NLGN1: variants seen among roughly 807,000 people sequenced by gnomAD.
NLGN1 encodes the protein neuroligin-1.
Under a neutral mutation model 65.5 loss-of-function variants are expected in NLGN1, and 12 were observed. The observed-to-expected ratio is 0.18, with a 90% CI of 0.12 to 0.30. The LOEUF is 0.30. Among genes scored for constraint, NLGN1 ranks in the 10% least tolerant of loss-of-function variants. The pLI is 1.00. For missense variants in NLGN1, 750 were observed against 1,007.1 expected (o/e 0.74, Z 3.46); for synonymous variants, 350 against 359.5 (o/e 0.97, Z 0.30).
At chr3:173,804,718 A>G (rs56362702) in intron 3 of NLGN1, among the ~76,000 whole-genome samples, 17,397 of 151,246 alleles carry the variant, frequency 0.12, 1,089 homozygotes, top group African/African-American at 0.16. Flanking sequence ...AGAAATTTGT[A>G]ATAAAACATT....
chr3:173,563,016 G>A (rs1166468983), intron 2 of NLGN1, among the ~76,000 whole-genome samples: 1 of 152,152 alleles, frequency 6.6e-6, no homozygotes, highest in African/African-American at 2.4e-5. Flanking sequence ...TCCACCTGCA[G>A]CCTTCTCCAC....
At chr3:174,020,068 C>G (rs1727423652) in intron 4 of NLGN1, among the ~76,000 whole-genome samples, 1 of 152,100 alleles carries the variant, frequency 6.6e-6, no homozygotes, top group Admixed American at 6.6e-5. Flanking sequence ...TTTTAATGCA[C>G]ACTTCTTTTG....
At chr3:174,045,893 C>A (rs1486384165) in intron 4 of NLGN1, among the ~76,000 whole-genome samples, 3 of 152,082 alleles carry the variant, frequency 2.0e-5, no homozygotes, top group Admixed American at 6.6e-5. Flanking sequence ...CATTTCAGTC[C>A]TCTGAAGTAA....
At chr3:173,950,038 T>A (rs145662944) in intron 4 of NLGN1, among the ~76,000 whole-genome samples, 51 of 152,306 alleles carry the variant, frequency 3.3e-4, no homozygotes, top group African/African-American at 1.0e-3. Flanking sequence ...GACCACACGA[T>A]CACTTTATAA....
Position 174,013,387 on chromosome 3 carries a change from A to G in NLGN1, c.646+205555A>G, listed in dbSNP as rs1221707210. ...TGGATTTAAGACCAATATCCTCAAAACTGGCTGAAATGAAAAATGAACAAA... is the reference window on the plus strand; with the variant it reads ...TGGATTTAAGACCAATATCCTCAAAGCTGGCTGAAATGAAAAATGAACAAA... On this transcript the variant is annotated intron_variant, in intron 4 of 6. Coordinates refer to ENST00000457714, the Ensembl canonical transcript of NLGN1. 5.9e-5 allele frequency among the ~76,000 whole-genome samples: 9 copies of G among 152,322 alleles called. No individual in the cohort carries two copies. The Middle Eastern group carries it at 0.01, about 173-fold the overall frequency.
intron 4 of NLGN1, among the ~76,000 whole-genome samples, chr3:173,871,877 A>C (rs1427955065): frequency 6.6e-6 from 1 of 152,192 alleles, no homozygotes; most frequent in Non-Finnish European, 1.5e-5. Flanking sequence ...AGGATACAAA[A>C]ATTTTTAAGA....
intron 4 of NLGN1, among the ~76,000 whole-genome samples, chr3:174,118,018 G>A (rs1223342676): frequency 6.6e-6 from 1 of 152,046 alleles, no homozygotes; most frequent in Non-Finnish European, 1.5e-5. Context: ...TTTTCTCTCT[G>A]TTAATGAAGG....
intron 4 of NLGN1, among the ~76,000 whole-genome samples, chr3:173,991,423 A>G (rs1399325045): frequency 6.6e-6 from 1 of 152,144 alleles, no homozygotes; most frequent in Non-Finnish European, 1.5e-5. Flanking sequence ...TAATTCATTG[A>G]AAACCTCTAG....
chr3:173,466,898 T>G (rs982572149), intron 2 of NLGN1, among the ~76,000 whole-genome samples: 4 of 152,166 alleles, frequency 2.6e-5, no homozygotes, highest in Non-Finnish European at 5.9e-5. Context: ...CACTAGCACA[T>G]TTTCATTTAA....
chr3:174,038,644 C>T (rs562502535), intron 4 of NLGN1, among the ~76,000 whole-genome samples: 46 of 146,520 alleles, frequency 3.1e-4, no homozygotes, highest in African/African-American at 1.2e-3. Flanking sequence ...CTAAGGTTAC[C>T]CCCCTGAGTC....
chr3:173,892,672 C>A (rs1023902372), intron 4 of NLGN1, among the ~76,000 whole-genome samples: 2 of 148,018 alleles, frequency 1.4e-5, no homozygotes, highest in Non-Finnish European at 1.5e-5. Context: ...GCCATGATAT[C>A]CAATTGCCAG....
At chr3:173,588,683 C>A (rs6776704) in intron 2 of NLGN1, among the ~76,000 whole-genome samples, 1,595 of 152,256 alleles carry the variant, frequency 0.01, 39 homozygotes, top group African/African-American at 0.037. Context: ...AATGGCAAAG[C>A]GCTTCACTGC....
intron 4 of NLGN1, among the ~76,000 whole-genome samples, chr3:173,887,329 C>G (rs1734534686): frequency 6.6e-6 from 1 of 151,938 alleles, no homozygotes. Flanking sequence ...TTGCATATGT[C>G]TTTTCTTTTT....
intron 2 of NLGN1, among the ~76,000 whole-genome samples, chr3:173,525,145 T>G (rs759948931): frequency 2.6e-5 from 4 of 152,212 alleles, no homozygotes; most frequent in Non-Finnish European, 5.9e-5. Context: ...CTTGAGTTTT[T>G]GAAATAGTTT....
intron 4 of NLGN1, among the ~76,000 whole-genome samples, chr3:173,956,799 A>G (rs1031428637): frequency 1.3e-5 from 2 of 152,188 alleles, no homozygotes; most frequent in African/African-American, 4.8e-5. Flanking sequence ...CATTAAATAT[A>G]ATCTTCCCAC....
At chr3:174,137,380 A>C (rs1454055443) in intron 4 of NLGN1, among the ~76,000 whole-genome samples, 1 of 152,180 alleles carries the variant, frequency 6.6e-6, no homozygotes, top group Non-Finnish European at 1.5e-5. Context: ...ACATAATTTT[A>C]TAGTAAAGAT....
chr3:174,287,383 T>C (rs1309130970), downstream of NLGN1, among the ~76,000 whole-genome samples: 1 of 151,444 alleles, frequency 6.6e-6, no homozygotes, highest in East Asian at 1.9e-4. Flanking sequence ...TTTACAAGTC[T>C]CTGTGGTCAC....
At chr3:174,236,705 AC>A (rs1741783476) in intron 4 of NLGN1, among the ~76,000 whole-genome samples, 1 of 152,052 alleles carries the variant, frequency 6.6e-6, no homozygotes, top group African/African-American at 2.4e-5. Flanking sequence ...TTGTTTCTTA[AC>A]CAGTCACAAA....
chr3:173,925,160 A>C (rs1365772224), intron 4 of NLGN1, among the ~76,000 whole-genome samples: 1 of 152,166 alleles, frequency 6.6e-6, no homozygotes, highest in Non-Finnish European at 1.5e-5. Flanking sequence ...AACACCACTT[A>C]GTGTACTAGA....
Sources: gnomAD v4.1 joint callset for allele counts (sites outside exome capture counted in the v4.1 genomes callset) on GRCh38, gnomAD v4.1.1 for gene constraint, MANE v1.5 for transcripts, NCBI Gene and HGNC (gene_info 2026-07-23, HGNC 2026-07-21) for gene names.